Variants in APBB2 observed in about 807,000 individuals in gnomAD.
APBB2 encodes Fe65-like 1.
In APBB2, 38 loss-of-function variants were observed where a neutral mutation model predicts 82.5. The observed-to-expected ratio is 0.46, with a 90% CI of 0.36 to 0.60. APBB2 has a LOEUF of 0.60. Among genes scored for constraint, APBB2 ranks in the 20% least tolerant of loss-of-function variants. APBB2 has a pLI of 0.00. For synonymous variants in APBB2, 341 were observed against 368.2 expected (o/e 0.93, Z 0.85); for missense variants, 772 against 972.3 (o/e 0.79, Z 2.74).
At chr4:40,857,809 TGGG>T (rs1553942060) in intron 12 of APBB2, among the ~76,000 whole-genome samples, 1 of 22,974 alleles carries the variant, frequency 4.4e-5, no homozygotes, top group East Asian at 1.1e-3. Context: ...GTGGGGGAAA[TGGG>T]GGGCGGGGAG....
chr4:41,134,107 T>C (rs1326545088), intron 2 of APBB2, among the ~76,000 whole-genome samples: 1 of 152,058 alleles, frequency 6.6e-6, no homozygotes, highest in Non-Finnish European at 1.5e-5. Context: ...AGTAGCTAGG[T>C]TTATAGGCAT....
chr4:41,182,905 G>T (rs1425994299), intron 1 of APBB2, among the ~76,000 whole-genome samples: 2 of 152,156 alleles, frequency 1.3e-5, no homozygotes, highest in African/African-American at 4.8e-5. Flanking sequence ...GAATTATGGG[G>T]AATACAATTC....
chr4:40,816,105 G>A lies in APBB2; in HGVS notation c.2267C>T (p.Thr756Ile), dbSNP rs774509520. Residue 756 changes from threonine (T) to isoleucine (I), a missense_variant, in exon 18 of 18, where the codon ACC becomes ATC. Coordinates refer to ENST00000508593, the MANE Select transcript of APBB2 (RefSeq NM_004307.2). Reference sequence around the variant, plus strand: ...TTGCATGTGCAGCTATGGCATTTCGGTGACAGGGCGTTTCTGTTTCAAAGT... The same window carrying A: ...TTGCATGTGCAGCTATGGCATTTCGATGACAGGGCGTTTCTGTTTCAAAGT... ...IDTLKQKRPVTEMP is the reference protein window; with the variant it reads ...IDTLKQKRPVIEMP 5 of 1,613,566 alleles carry A rather than the reference G, an allele frequency of 3.1e-6. No individual in the cohort carries two copies. Among genetic ancestry groups the A allele is most frequent in the Non-Finnish European group, 4.2e-6 (5 of 1,179,552 alleles).
chr4:40,864,681 G>A (rs1176311400), intron 12 of APBB2, among the ~76,000 whole-genome samples: 1 of 152,016 alleles, frequency 6.6e-6, no homozygotes, highest in Non-Finnish European at 1.5e-5. Context: ...TCCAAAGACT[G>A]CGGGCCATTC....
At chr4:40,818,156 A>T (rs932447333) in intron 17 of APBB2, among the ~76,000 whole-genome samples, 2 of 152,252 alleles carry the variant, frequency 1.3e-5, no homozygotes, top group African/African-American at 4.8e-5. Context: ...ACATGGTATA[A>T]ATTCACATAC....
intron 3 of APBB2, chr4:41,084,790 TA>T (rs1739037024): frequency 6.6e-6 from 1 of 151,798 alleles, no homozygotes; most frequent in Non-Finnish European, 1.5e-5. Context: ...TTTTTTTTTT[TA>T]AAAAGAAAAC....
intron 2 of APBB2, among the ~76,000 whole-genome samples, chr4:41,115,423 A>C (rs1273028850): frequency 1.3e-5 from 2 of 152,232 alleles, no homozygotes; most frequent in African/African-American, 4.8e-5. Flanking sequence ...CAAAGACTTC[A>C]TGACTAAAAC....
intron 1 of APBB2, among the ~76,000 whole-genome samples, chr4:41,174,881 A>C (rs1190442951): frequency 1.3e-5 from 2 of 152,216 alleles, no homozygotes; most frequent in African/African-American, 2.4e-5. Context: ...CTGGCTACTG[A>C]AGAAGGACTG....
At chr4:41,209,684 G>A (rs771613680) in intron 1 of APBB2, among the ~76,000 whole-genome samples, 8 of 152,196 alleles carry the variant, frequency 5.3e-5, no homozygotes, top group Non-Finnish European at 1.2e-4. Flanking sequence ...AAAATGCTAT[G>A]AAGTAGTTTC....
chr4:40,922,178 C>G (rs2154368759), intron 10 of APBB2, among the ~76,000 whole-genome samples: 1 of 152,340 alleles, frequency 6.6e-6, no homozygotes, highest in East Asian at 1.9e-4. Flanking sequence ...CAACATGAAG[C>G]AACAGAAATC....
intron 3 of APBB2, among the ~76,000 whole-genome samples, chr4:41,093,301 C>A (rs28712214): frequency 6.6e-6 from 1 of 152,304 alleles, no homozygotes; most frequent in South Asian, 2.1e-4. Context: ...TACAAGAGCA[C>A]GTGAACTCTG....
chr4:41,088,871 G>A (rs1183470300), intron 3 of APBB2, among the ~76,000 whole-genome samples: 2 of 152,208 alleles, frequency 1.3e-5, no homozygotes, highest in Admixed American at 1.3e-4. Context: ...TCCCCACAGT[G>A]CTGGCAGCAA....
intron 5 of APBB2, among the ~76,000 whole-genome samples, chr4:41,022,086 G>C (rs1297048837): frequency 6.6e-6 from 1 of 152,160 alleles, no homozygotes; most frequent in Admixed American, 6.5e-5. Flanking sequence ...CTTCATTCTT[G>C]AAGTCAGCAA....
intron 1 of APBB2, among the ~76,000 whole-genome samples, chr4:41,162,786 G>A (rs1023256462): frequency 6.6e-5 from 10 of 152,124 alleles, no homozygotes; most frequent in Non-Finnish European, 1.5e-4. Flanking sequence ...TGGATCCCAG[G>A]AGTTTGAGGC....
intron 1 of APBB2, among the ~76,000 whole-genome samples, chr4:41,153,508 T>A (rs1329418423): frequency 6.6e-6 from 1 of 152,198 alleles, no homozygotes; most frequent in African/African-American, 2.4e-5. Flanking sequence ...TACTATCTCA[T>A]CTGTAACTAG....
At chr4:40,868,186 T>C (rs913371383) in intron 12 of APBB2, among the ~76,000 whole-genome samples, 4 of 152,176 alleles carry the variant, frequency 2.6e-5, no homozygotes, top group African/African-American at 9.7e-5. Context: ...ACAGACAGAA[T>C]TAGTGTCACT....
chr4:41,156,652 T>A (rs1763522361), intron 1 of APBB2, among the ~76,000 whole-genome samples: 1 of 152,216 alleles, frequency 6.6e-6, no homozygotes, highest in Admixed American at 6.5e-5. Flanking sequence ...AGCAAAGTAT[T>A]ACGGAAAGTT....
intron 2 of APBB2, among the ~76,000 whole-genome samples, chr4:41,109,801 A>G (rs1158840545): frequency 6.6e-6 from 1 of 152,122 alleles, no homozygotes; most frequent in East Asian, 1.9e-4. Context: ...AAAGGTGTTT[A>G]TATCATTTTA....
At chr4:40,992,383 G>T (rs1400485288) in intron 6 of APBB2, among the ~76,000 whole-genome samples, 1 of 146,484 alleles carries the variant, frequency 6.8e-6, no homozygotes, top group Non-Finnish European at 1.5e-5. Flanking sequence ...TTTCTATGTT[G>T]CCCATGCTGG....
Sources: allele counts gnomAD v4.1 joint callset (sites outside exome capture counted in the v4.1 genomes callset), GRCh38; gene constraint gnomAD v4.1.1; transcripts MANE v1.5; gene names NCBI Gene and HGNC (gene_info 2026-07-23, HGNC 2026-07-21).